Variants in CADM2 observed in about 807,000 individuals in gnomAD.
The protein encoded by CADM2 is immunoglobulin superfamily member 4D.
In CADM2, 12 loss-of-function variants were observed where a neutral mutation model predicts 49.8. The ratio of observed to expected loss-of-function variants is 0.24; its 90% CI spans 0.15 to 0.39. The LOEUF (loss-of-function observed/expected upper bound fraction) is 0.39. Ranked by LOEUF, CADM2 falls within the 10% of genes least tolerant of loss-of-function variation. The pLI, the probability that CADM2 is intolerant of heterozygous loss-of-function variation, is 1.00. For synonymous variants in CADM2, 214 were observed against 175.4 expected, an observed-to-expected ratio of 1.22 and a Z score of -1.74; for missense variants, 378 against 492.3, an observed-to-expected ratio of 0.77 and a Z score of 2.20.
intron 8 of CADM2, among the ~76,000 whole-genome samples, chr3:86,063,321 C>A (rs1738916530): frequency 6.6e-6 from 1 of 152,198 alleles, no homozygotes; most frequent in Admixed American, 6.5e-5. Context: ...ATAATAAATA[C>A]TCCCATTTGG....
rs1174004087 is a variant in CADM2 at position 85,908,744 on chromosome 3, A to G, written c.530-3629A>G. Among the ~76,000 whole-genome samples the G allele has an allele frequency of 3.8e-5, 5 of 130,596 alleles. No homozygotes were observed. In the Admixed American group the frequency reaches 3.9e-4, roughly 10 times the overall value. The allele number at this position is 130,596 out of a possible 152,430, so 85.7% of individuals were successfully genotyped here. A position where few individuals can be genotyped will look rare whatever the true frequency, so the allele number is the denominator to read the frequency against. ...ACGGTTATGATTTTTTTTTTTTTTG[A>G]GATGGAATCTCACTCTGTCACCCAG... On this transcript the variant is annotated intron_variant, in intron 5 of 9. Transcript: ENST00000383699.
At chr3:85,798,971 T>C (rs187603415) in intron 2 of CADM2, among the ~76,000 whole-genome samples, 98 of 152,334 alleles carry the variant, frequency 6.4e-4, no homozygotes, top group Non-Finnish European at 1.2e-3. Flanking sequence ...TAGTTCTCTT[T>C]GAAGAGGTCC....
chr3:84,983,748 G>T (rs185164819), intron 1 of CADM2, among the ~76,000 whole-genome samples: 1 of 152,160 alleles, frequency 6.6e-6, no homozygotes, highest in Admixed American at 6.5e-5. Flanking sequence ...CTCAGACATG[G>T]CAGCCAGAAG....
intron 1 of CADM2, among the ~76,000 whole-genome samples, chr3:84,996,412 T>G (rs577845553): frequency 6.6e-6 from 1 of 152,226 alleles, no homozygotes; most frequent in Non-Finnish European, 1.5e-5. Flanking sequence ...AAAAGGAATT[T>G]TATTATGGTG....
intron 1 of CADM2, among the ~76,000 whole-genome samples, chr3:85,432,939 G>T (rs2036750121): frequency 6.6e-6 from 1 of 151,730 alleles, no homozygotes; most frequent in Non-Finnish European, 1.5e-5. Context: ...ATCTCATTAT[G>T]CTCCAATTTT....
chr3:85,877,426 A>C (rs1306255654), intron 3 of CADM2, among the ~76,000 whole-genome samples: 1 of 152,086 alleles, frequency 6.6e-6, no homozygotes, highest in Non-Finnish European at 1.5e-5. Context: ...ACAATATTAC[A>C]ATTCTTTATT....
intron 1 of CADM2, among the ~76,000 whole-genome samples, chr3:85,349,062 T>C (rs1426042932): frequency 6.6e-6 from 1 of 152,142 alleles, no homozygotes; most frequent in African/African-American, 2.4e-5. Context: ...AGAGTTTCCC[T>C]GTATGGCCCC....
At chr3:85,889,955 G>A (rs1051876018) in intron 5 of CADM2, among the ~76,000 whole-genome samples, 1 of 152,112 alleles carries the variant, frequency 6.6e-6, no homozygotes, top group Non-Finnish European at 1.5e-5. Context: ...TTCATTGATG[G>A]AAGCAGGCAC....
intron 1 of CADM2, among the ~76,000 whole-genome samples, chr3:85,203,977 G>A (rs2041570824): frequency 6.6e-6 from 1 of 152,266 alleles, no homozygotes; most frequent in East Asian, 1.9e-4. Flanking sequence ...CCTATAAGAA[G>A]TTTTGATACT....
intron 3 of CADM2, among the ~76,000 whole-genome samples, chr3:85,809,746 C>T (rs1268127091): frequency 8.7e-6 from 1 of 115,116 alleles, no homozygotes; most frequent in Non-Finnish European, 1.7e-5. Context: ...CCTCCCTCCT[C>T]TCTCCCTCCC....
At chr3:85,114,096 T>G (rs1481070127) in intron 1 of CADM2, among the ~76,000 whole-genome samples, 4 of 152,090 alleles carry the variant, frequency 2.6e-5, no homozygotes, top group Non-Finnish European at 5.9e-5. Flanking sequence ...TGTGGTAGTA[T>G]CAGCAAAGAC....
At chr3:85,212,896 C>T (rs566839690) in intron 1 of CADM2, among the ~76,000 whole-genome samples, 2,081 of 117,856 alleles carry the variant, frequency 0.018, 110 homozygotes, top group African/African-American at 0.086. Context: ...CTCTTTCTTT[C>T]TTTTAATGGA....
chr3:86,019,645 G>A (rs1376473069), intron 8 of CADM2, among the ~76,000 whole-genome samples: 1 of 151,948 alleles, frequency 6.6e-6, no homozygotes, highest in African/African-American at 2.4e-5. Context: ...AAGCAATTGT[G>A]AATGGGAGTT....
At chr3:85,211,856 T>C (rs2041787576) in intron 1 of CADM2, among the ~76,000 whole-genome samples, 1 of 152,144 alleles carries the variant, frequency 6.6e-6, no homozygotes, top group South Asian at 2.1e-4. Flanking sequence ...TGGATGATTT[T>C]TCAAATGCAG....
chr3:86,038,369 G>A (rs917790396), intron 8 of CADM2, among the ~76,000 whole-genome samples: 7 of 152,286 alleles, frequency 4.6e-5, no homozygotes, highest in East Asian at 1.9e-4. Flanking sequence ...GATATATAGA[G>A]TATTTTTCTG....
chr3:85,248,389 C>T (rs1244249890), intron 1 of CADM2, among the ~76,000 whole-genome samples: 2 of 152,102 alleles, frequency 1.3e-5, no homozygotes, highest in Non-Finnish European at 2.9e-5. Flanking sequence ...GTTCTTGTGC[C>T]TCAGCCTTCC....
intron 3 of CADM2, among the ~76,000 whole-genome samples, chr3:85,859,224 C>CTTTTTTTTTTTTTTTTTT (rs397990427): frequency 4.2e-5 from 3 of 70,596 alleles, no homozygotes; most frequent in African/African-American, 1.2e-4. Flanking sequence ...TTTTTTTTGT[C>CTTTTTTTTTTTTTTTTTT]TTTTTTTTTT....
At chr3:85,012,747 TATA>T (rs1381148435) in intron 1 of CADM2, among the ~76,000 whole-genome samples, 2 of 151,232 alleles carry the variant, frequency 1.3e-5, no homozygotes, top group Non-Finnish European at 3.0e-5. Flanking sequence ...TGAATTCAGT[TATA>T]ATTTATTTCT....
At chr3:85,671,573 G>A (rs952128604) in intron 1 of CADM2, among the ~76,000 whole-genome samples, 7 of 152,092 alleles carry the variant, frequency 4.6e-5, no homozygotes, top group Non-Finnish European at 1.0e-4. Flanking sequence ...ATTCATCGCA[G>A]TACCTTTAAC....
Sources: allele counts gnomAD v4.1 joint callset (sites outside exome capture counted in the v4.1 genomes callset), GRCh38; gene constraint gnomAD v4.1.1; transcripts MANE v1.5; gene names NCBI Gene and HGNC (gene_info 2026-07-23, HGNC 2026-07-21).